ZC3HAV1: variants seen among roughly 807,000 people sequenced by gnomAD.
The protein encoded by ZC3HAV1 is zinc finger CCCH-type antiviral protein 1.
A neutral mutation model predicts 86.6 loss-of-function variants in ZC3HAV1; 41 were observed. The observed-to-expected ratio is 0.47, with a 90% CI of 0.37 to 0.61. The LOEUF (loss-of-function observed/expected upper bound fraction) is 0.61. ZC3HAV1 is among the 20% of genes least tolerant of loss of function. ZC3HAV1 has a pLI of 0.00. For synonymous variants in ZC3HAV1, 421 were observed against 432.1 expected (o/e 0.97, Z 0.32); for missense variants, 964 against 1,141.1 (o/e 0.84, Z 2.24).
chr7:139,051,214 C>T (rs780503147), intron 12 of ZC3HAV1, among the ~76,000 whole-genome samples: 2 of 151,892 alleles, frequency 1.3e-5, no homozygotes, highest in African/African-American at 2.4e-5. Flanking sequence ...TGGGCCACTG[C>T]ACCCAGCTAA....
chr7:139,100,914 T>C (rs914504678), intron 1 of ZC3HAV1, among the ~76,000 whole-genome samples: 13 of 152,154 alleles, frequency 8.5e-5, no homozygotes, highest in African/African-American at 2.7e-4. Flanking sequence ...ACTGTACTGC[T>C]GCCATCTCGG....
At chr7:139,101,416 G>A (rs868732940) in intron 1 of ZC3HAV1, among the ~76,000 whole-genome samples, 61 of 130,760 alleles carry the variant, frequency 4.7e-4, no homozygotes, top group Middle Eastern at 7.3e-3. Flanking sequence ...CTGCCAGGCC[G>A]CCCATCGTCT....
At chr7:139,075,368 C>CCATAGATAA in intron 6 of ZC3HAV1, among the ~76,000 whole-genome samples, 1 of 152,206 alleles carries the variant, frequency 6.6e-6, no homozygotes, top group Non-Finnish European at 1.5e-5. Context: ...TATATCCCTG[C>CCATAGATAA]ACACCATAGA....
At chr7:139,104,049 G>C (rs7789337) in intron 1 of ZC3HAV1, among the ~76,000 whole-genome samples, 48,204 of 152,014 alleles carry the variant, frequency 0.32, 9,150 homozygotes, top group African/African-American at 0.53. Flanking sequence ...TGATTGTTTA[G>C]TATATTTTAA....
rs1200079299 is a variant in ZC3HAV1, at chr7:139,055,307, G to A, written c.2097-12C>T. 1 of 1,608,238 alleles carries A rather than the reference G, an allele frequency of 6.2e-7. No homozygotes were observed. The highest frequency in any genetic ancestry group is 1.7e-5 in the Admixed American group (1 of 59,782). ...TTGCTGGCTGATGGCTACAAATAAA[G>A]AGAAAGAATTCACTTAACTCTCTGC... On this transcript the variant is annotated splice_polypyrimidine_tract_variant and intron_variant, in intron 9 of 12. Coordinates refer to ENST00000242351, the MANE Select transcript of ZC3HAV1 (RefSeq NM_020119.4).
At chr7:139,071,246 G>A (rs1816765096) in intron 7 of ZC3HAV1, among the ~76,000 whole-genome samples, 2 of 151,866 alleles carry the variant, frequency 1.3e-5, no homozygotes, top group South Asian at 2.1e-4. Flanking sequence ...ACAGGTGCAC[G>A]CCACCAAGCC....
intron 1 of ZC3HAV1, among the ~76,000 whole-genome samples, chr7:139,102,064 ACACAAAGAAG>A (rs1817790284): frequency 6.6e-6 from 1 of 152,154 alleles, no homozygotes; most frequent in Admixed American, 6.5e-5. Context: ...ATGTACATGT[ACACAAAGAAG>A]CATATACCAA....
At chr7:139,087,561 C>T (rs1817307025) in intron 2 of ZC3HAV1, among the ~76,000 whole-genome samples, 1 of 152,094 alleles carries the variant, frequency 6.6e-6, no homozygotes, top group Admixed American at 6.6e-5. Context: ...TCCCCCAACC[C>T]CCAACAAGTC....
At chr7:139,050,738 T>C (rs942764965) in intron 12 of ZC3HAV1, among the ~76,000 whole-genome samples, 2 of 152,200 alleles carry the variant, frequency 1.3e-5, no homozygotes, top group South Asian at 4.1e-4. Flanking sequence ...AAGAAACTGA[T>C]GGGTTTTAAT....
intron 1 of ZC3HAV1, among the ~76,000 whole-genome samples, chr7:139,104,131 G>A (rs2130740780): frequency 6.6e-6 from 1 of 152,252 alleles, no homozygotes; most frequent in South Asian, 2.1e-4. Flanking sequence ...TATGGGTTCA[G>A]AATAAATATT....
chr7:139,068,497 A>T (rs970686616), intron 7 of ZC3HAV1, among the ~76,000 whole-genome samples: 1 of 152,196 alleles, frequency 6.6e-6, no homozygotes, highest in Admixed American at 6.5e-5. Flanking sequence ...CATATTTTTA[A>T]CTCCTTCAGT....
At chr7:139,100,051 T>C (rs1480988438) in intron 1 of ZC3HAV1, among the ~76,000 whole-genome samples, 1 of 151,868 alleles carries the variant, frequency 6.6e-6, no homozygotes, top group East Asian at 1.9e-4. Flanking sequence ...AAAATAGTTT[T>C]AGCCATTTTT....
At chr7:139,085,377 G>T (rs926731034) in intron 2 of ZC3HAV1, among the ~76,000 whole-genome samples, 1 of 152,188 alleles carries the variant, frequency 6.6e-6, no homozygotes, top group Non-Finnish European at 1.5e-5. Context: ...CATTTCAATT[G>T]TACAAGTTTA....
At chr7:139,053,387 T>C (rs562931488) in intron 12 of ZC3HAV1, 64 bp downstream of exon 12, 1,200 of 1,485,038 alleles carry the variant, frequency 8.1e-4, no homozygotes, top group Non-Finnish European at 1.0e-3. Context: ...TACCTCCTAA[T>C]AGAAGCACAT....
rs747934708 is a variant in ZC3HAV1 at position 139,079,320 on chromosome 7, T to C, written c.1471+150A>G. ...AGACTCTGACTTCCAGTACGTAACA[T>C]ATCTTTTTCTGCCTTGACTGCCATT... is the stretch of plus-strand genomic sequence containing the variant. On this transcript the variant is annotated intron_variant, in intron 4 of 12. Coordinates refer to ENST00000242351, the MANE Select transcript of ZC3HAV1 (RefSeq NM_020119.4). 4.1e-5 allele frequency: 63 copies of C among 1,546,700 alleles called. No individual in the cohort carries two copies. The East Asian group carries it at 1.5e-3, about 36-fold the overall frequency.
rs573749878 is a variant in ZC3HAV1 at position 139,064,830 on chromosome 7, T to C, written c.1993+49A>G. The stretch of plus-strand genomic sequence containing the variant: ...TCTGCTCCCACTCCCACGTGTACAC[T>C]GCAGGCGGATTTCAATGACACACAA... On this transcript the variant is annotated intron_variant, in intron 8 of 12. Coordinates refer to ENST00000242351, the MANE Select transcript of ZC3HAV1 (RefSeq NM_020119.4). 6.8e-6 allele frequency: 11 copies of C among 1,613,640 alleles called. No homozygotes were observed. In the African/African-American group the frequency reaches 1.1e-4, roughly 16 times the overall value.
chr7:139,057,360 G>GA (rs1415576982), intron 9 of ZC3HAV1, among the ~76,000 whole-genome samples: 5 of 89,278 alleles, frequency 5.6e-5, no homozygotes, highest in Admixed American at 5.3e-4. Context: ...CTTTCTCAAA[G>GA]AAAAAAAAAA....
intron 1 of ZC3HAV1, among the ~76,000 whole-genome samples, chr7:139,094,970 T>C (rs1817541335): frequency 1.3e-5 from 2 of 150,666 alleles, no homozygotes; most frequent in Non-Finnish European, 2.9e-5. Context: ...AAAGAGACAG[T>C]AACCCGAGTC....
chr7:139,086,792 GGGCTTCCCC>G (rs1817283890), intron 2 of ZC3HAV1, among the ~76,000 whole-genome samples: 1 of 152,150 alleles, frequency 6.6e-6, no homozygotes, highest in Non-Finnish European at 1.5e-5. Flanking sequence ...GTTTTATAAA[GGGCTTCCCC>G]CTTTGCTTAG....
Sources: allele counts gnomAD v4.1 joint callset (sites outside exome capture counted in the v4.1 genomes callset), GRCh38; gene constraint gnomAD v4.1.1; transcripts MANE v1.5; gene names NCBI Gene and HGNC (gene_info 2026-07-23, HGNC 2026-07-21).